Variants in RORA observed in about 807,000 individuals in gnomAD.
RORA encodes the protein RAR related orphan receptor A, also known as nuclear receptor ROR-alpha.
RORA carries 7 observed loss-of-function variants against 69.5 expected under a neutral mutation model. The ratio of observed to expected loss-of-function variants is 0.10; its 90% confidence interval spans 0.06 to 0.19. The LOEUF (loss-of-function observed/expected upper bound fraction) is 0.19, where lower values mean the gene tolerates loss of function less well. Ranked by LOEUF, RORA falls within the 10% of genes least tolerant of loss-of-function variation. RORA has a pLI of 1.00. For synonymous variants in RORA, 261 were observed against 240.8 expected, an observed-to-expected ratio of 1.08 and a Z score of -0.78; for missense variants, 457 against 663.0, an observed-to-expected ratio of 0.69 and a Z score of 3.41.
intron 1 of RORA, among the ~76,000 whole-genome samples, chr15:60,920,063 G>A (rs2128166): frequency 0.63 from 95,082 of 151,982 alleles, 30,380 homozygotes; most frequent in East Asian, 0.87. Flanking sequence ...GAATAGGAAA[G>A]AGAAGAGGCC....
At chr15:60,996,948 T>C (rs867765531) in intron 1 of RORA, among the ~76,000 whole-genome samples, 1 of 151,946 alleles carries the variant, frequency 6.6e-6, no homozygotes, top group Admixed American at 6.6e-5. Flanking sequence ...CCTAACGTAA[T>C]TTTTACACCA....
chr15:60,791,840 A>T (rs1306703082), intron 1 of RORA, among the ~76,000 whole-genome samples: 2 of 152,226 alleles, frequency 1.3e-5, no homozygotes, highest in Non-Finnish European at 2.9e-5. Flanking sequence ...ATTTTCAGAG[A>T]AACAAACAGA....
intron 2 of RORA, among the ~76,000 whole-genome samples, chr15:60,670,254 G>A (rs2070445777): frequency 6.8e-6 from 1 of 147,400 alleles, no homozygotes; most frequent in Non-Finnish European, 1.5e-5. Context: ...ACATTGCCCA[G>A]GTTGGGGTGC....
chr15:60,826,016 A>G (rs923054466), intron 1 of RORA, among the ~76,000 whole-genome samples: 6 of 152,206 alleles, frequency 3.9e-5, no homozygotes, highest in Non-Finnish European at 8.8e-5. Context: ...GTAACTCTGA[A>G]AACAATTTAA....
intron 1 of RORA, among the ~76,000 whole-genome samples, chr15:61,094,280 G>T (rs909752475): frequency 2.6e-5 from 4 of 152,262 alleles, no homozygotes; most frequent in Non-Finnish European, 5.9e-5. Flanking sequence ...GATTTAAGAG[G>T]CAGAGATTCA....
intron 1 of RORA, among the ~76,000 whole-genome samples, chr15:60,904,313 A>G (rs1295272906): frequency 6.6e-6 from 1 of 152,124 alleles, no homozygotes; most frequent in African/African-American, 2.4e-5. Context: ...TTTTCCCTCA[A>G]TGGTTATTTG....
At chr15:60,950,605 A>C (rs1191556196) in intron 1 of RORA, among the ~76,000 whole-genome samples, 13 of 131,730 alleles carry the variant, frequency 9.9e-5, no homozygotes, top group African/African-American at 2.9e-4. Flanking sequence ...TCTACCAAGC[A>C]AATGGAAAAC....
chr15:60,833,123 C>G (rs923626254), intron 1 of RORA, among the ~76,000 whole-genome samples: 1 of 151,980 alleles, frequency 6.6e-6, no homozygotes. Flanking sequence ...CCAGGATGGT[C>G]TCGAACTCCT....
chr15:60,851,284 C>T (rs1339112093), intron 1 of RORA, among the ~76,000 whole-genome samples: 2 of 152,204 alleles, frequency 1.3e-5, no homozygotes, highest in African/African-American at 4.8e-5. Flanking sequence ...ATGACAGCAC[C>T]TTGTCAGCCG....
At chr15:61,034,040 C>A (rs1428166603) in intron 1 of RORA, among the ~76,000 whole-genome samples, 1 of 152,100 alleles carries the variant, frequency 6.6e-6, no homozygotes. Flanking sequence ...AAGGTAGTTA[C>A]TAGGAAATTT....
At chr15:61,134,269 A>T (rs992166119) in intron 1 of RORA, among the ~76,000 whole-genome samples, 2 of 152,214 alleles carry the variant, frequency 1.3e-5, no homozygotes, top group African/African-American at 4.8e-5. Flanking sequence ...TACACTAAGG[A>T]AAGTTTCCTC....
At position 60,712,768 on chromosome 15, in the gene RORA, C is replaced by T. The variant is rs115214455; in HGVS notation, c.167-34082G>A. On this transcript the variant is annotated intron_variant, in intron 1 of 10. Coordinates refer to ENST00000335670, the MANE Select transcript of RORA (RefSeq NM_134261.3). ...GCTCAGCTTTTCTTTATTTCCCTGA[C>T]GCGGGGTTCCCCAGCAGCCAGAACC... 4.6e-3 allele frequency among the ~76,000 whole-genome samples: 701 copies of T among 152,318 alleles called. 5 individuals carry two copies. Among genetic ancestry groups the T allele is most frequent in the African/African-American group, 0.016 (667 of 41,580 alleles).
rs528511172 is a variant in RORA, at chr15:60,755,388, C to T, written c.167-76702G>A. Among the ~76,000 whole-genome samples, 10 of 151,982 alleles carry T rather than the reference C, an allele frequency of 6.6e-5. 1 individual carries two copies. Among genetic ancestry groups the T allele is most frequent in the South Asian group, 4.2e-4 (2 of 4,800 alleles). On this transcript the variant is annotated intron_variant, in intron 1 of 10. Transcript: ENST00000335670. The stretch of plus-strand genomic sequence containing the variant: ...TTTTCTTAATCCAGTCTATCATTGT[C>T]GGACATTTGGGTTGGTTCCAAGTCT...
At chr15:60,797,007 A>G (rs1454611957) in intron 1 of RORA, among the ~76,000 whole-genome samples, 2 of 148,274 alleles carry the variant, frequency 1.3e-5, no homozygotes, top group Non-Finnish European at 3.0e-5. Flanking sequence ...TTATGTCTAA[A>G]TATATTTTAT....
At chr15:61,148,928 G>A (rs1294951528) in intron 1 of RORA, among the ~76,000 whole-genome samples, 2 of 152,206 alleles carry the variant, frequency 1.3e-5, no homozygotes, top group Non-Finnish European at 2.9e-5. Flanking sequence ...GCAGAAGGGA[G>A]GGGCAGCTGC....
At chr15:60,867,737 A>T (rs1595778146) in intron 1 of RORA, among the ~76,000 whole-genome samples, 1 of 152,176 alleles carries the variant, frequency 6.6e-6, no homozygotes, top group South Asian at 2.1e-4. Context: ...TCTATATGAG[A>T]TCCTATGAGA....
rs1110417 is a variant in RORA at position 60,995,977 on chromosome 15, A to C, written c.166+233076T>G. On this transcript the variant is annotated intron_variant, in intron 1 of 10. Transcript: ENST00000335670. The stretch of plus-strand genomic sequence containing the variant: ...CAGTGATTCTTGTTTATGCATTGAT[A>C]AATAAAAAGAACAAAAATGAGGAAC... 3.0e-4 allele frequency among the ~76,000 whole-genome samples: 45 copies of C among 152,336 alleles called. 1 individual carries two copies. The highest frequency in any genetic ancestry group is 6.8e-3 in the Middle Eastern group (2 of 294).
chr15:61,215,634 ATATG>A (rs762454476), intron 1 of RORA, among the ~76,000 whole-genome samples: 2 of 152,222 alleles, frequency 1.3e-5, no homozygotes, highest in Non-Finnish European at 2.9e-5. Context: ...GCCTGACACA[ATATG>A]TATGTGTGCA....
intron 1 of RORA, among the ~76,000 whole-genome samples, chr15:61,094,088 C>G (rs903323245): frequency 6.6e-6 from 1 of 152,190 alleles, no homozygotes; most frequent in Non-Finnish European, 1.5e-5. Context: ...GTGAACCTGG[C>G]AGGTCAAGAT....
Sources: gnomAD v4.1 joint callset for allele counts (sites outside exome capture counted in the v4.1 genomes callset) on GRCh38, gnomAD v4.1.1 for gene constraint, MANE v1.5 for transcripts, NCBI Gene and HGNC (gene_info 2026-07-23, HGNC 2026-07-21) for gene names.